CDK17: variants seen among roughly 807,000 people sequenced by gnomAD.
CDK17 encodes cyclin-dependent kinase 17.
Under a neutral mutation model 77.6 loss-of-function variants are expected in CDK17, and 24 were observed. The ratio of observed to expected loss-of-function variants is 0.31; its 90% confidence interval spans 0.22 to 0.44. The LOEUF is 0.44. Among genes scored for constraint, CDK17 ranks in the 20% least tolerant of loss-of-function variants. The pLI, the probability that CDK17 is intolerant of heterozygous loss-of-function variation, is 1.00. For missense variants in CDK17, 429 were observed against 622.5 expected, an observed-to-expected ratio of 0.69 and a Z score of 3.31; for synonymous variants, 203 against 210.4, an observed-to-expected ratio of 0.96 and a Z score of 0.30.
intron 1 of CDK17, among the ~76,000 whole-genome samples, chr12:96,359,398 A>G (rs1377640563): frequency 6.6e-6 from 1 of 152,222 alleles, no homozygotes; most frequent in African/African-American, 2.4e-5. Context: ...TCCACTGAGC[A>G]CTGACTGGAG....
At chr12:96,383,170 C>T (rs1267036744) in intron 1 of CDK17, among the ~76,000 whole-genome samples, 1 of 151,888 alleles carries the variant, frequency 6.6e-6, no homozygotes, top group Non-Finnish European at 1.5e-5. Flanking sequence ...AATAGCCCCC[C>T]AAAAAATGAA....
intron 1 of CDK17, among the ~76,000 whole-genome samples, chr12:96,368,256 A>T (rs1206915622): frequency 6.6e-6 from 1 of 152,246 alleles, no homozygotes; most frequent in African/African-American, 2.4e-5. Context: ...GGAGATCACA[A>T]TCTTTAGATG....
intron 2 of CDK17, among the ~76,000 whole-genome samples, chr12:96,331,951 TGACA>T (rs1334282484): frequency 2.0e-5 from 3 of 152,184 alleles, no homozygotes; most frequent in Non-Finnish European, 4.4e-5. Flanking sequence ...TTTCAGACAA[TGACA>T]GACATCATAT....
chr12:96,315,489 G>C (rs370652057), intron 3 of CDK17, among the ~76,000 whole-genome samples: 97 of 152,180 alleles, frequency 6.4e-4, no homozygotes, highest in African/African-American at 2.3e-3. Flanking sequence ...GTAATGTATT[G>C]GTGATTGATT....
At chr12:96,353,418 A>AT (rs1953342119) in intron 1 of CDK17, among the ~76,000 whole-genome samples, 1 of 152,200 alleles carries the variant, frequency 6.6e-6, no homozygotes, top group South Asian at 2.1e-4. Context: ...ACATGGTGAG[A>AT]TTTAATAAAA....
chr12:96,308,459 T>C (rs1427150418), intron 5 of CDK17, among the ~76,000 whole-genome samples: 1 of 151,660 alleles, frequency 6.6e-6, no homozygotes, highest in Admixed American at 6.6e-5. Flanking sequence ...CTGGATGCAG[T>C]GGCTCACCCC....
chr12:96,380,919 A>G (rs1592767003), intron 1 of CDK17, among the ~76,000 whole-genome samples: 3 of 151,946 alleles, frequency 2.0e-5, no homozygotes, highest in Non-Finnish European at 4.4e-5. Context: ...CCTTTTTTAC[A>G]TGTTCTTTTA....
intron 2 of CDK17, among the ~76,000 whole-genome samples, chr12:96,331,667 G>A (rs1439946079): frequency 6.6e-6 from 1 of 152,102 alleles, no homozygotes; most frequent in Non-Finnish European, 1.5e-5. Context: ...ATATTCTATT[G>A]TATTTGGATA....
At chr12:96,311,970 TAAGAAA>T (rs1256071228) in intron 4 of CDK17, among the ~76,000 whole-genome samples, 3 of 151,970 alleles carry the variant, frequency 2.0e-5, no homozygotes, top group South Asian at 4.2e-4. Flanking sequence ...CATTCTAAAA[TAAGAAA>T]GAGTATATGT....
intron 2 of CDK17, 120 bp downstream of exon 2, chr12:96,334,599 T>A (rs1376505199): frequency 3.3e-6 from 2 of 600,990 alleles, no homozygotes; most frequent in African/African-American, 1.9e-5. Context: ...TAAGAAACCA[T>A]GGAATGAGAC....
intron 15 of CDK17, 130 bp from the exon 16 acceptor site, chr12:96,281,015 C>T: frequency 2.6e-6 from 2 of 761,028 alleles, no homozygotes; most frequent in Admixed American, 3.2e-5. Context: ...GATAGCCCTG[C>T]TGAAATTTTT....
chr12:96,369,149 C>T (rs533080671), intron 1 of CDK17, among the ~76,000 whole-genome samples: 55 of 150,240 alleles, frequency 3.7e-4, no homozygotes, highest in Middle Eastern at 3.4e-3. Flanking sequence ...CAAACAATCA[C>T]AAAAAAGAAA....
intron 2 of CDK17, among the ~76,000 whole-genome samples, chr12:96,331,761 T>C (rs1417015013): frequency 6.6e-6 from 1 of 152,162 alleles, no homozygotes; most frequent in Non-Finnish European, 1.5e-5. Context: ...ATGTTTATAG[T>C]ATTACCCCCA....
intron 3 of CDK17, among the ~76,000 whole-genome samples, 160 bp downstream of exon 3, chr12:96,323,788 C>T (rs529673114): frequency 5.9e-5 from 9 of 152,322 alleles, no homozygotes; most frequent in African/African-American, 1.9e-4. Context: ...AGCACTACTA[C>T]CTCTCTAGAA....
intron 3 of CDK17, among the ~76,000 whole-genome samples, chr12:96,323,370 C>T (rs1433781341): frequency 6.6e-6 from 1 of 151,898 alleles, no homozygotes; most frequent in East Asian, 1.9e-4. Flanking sequence ...GTGGGAGGAT[C>T]ATTTGAGCCT....
chr12:96,347,958 AAAG>A (rs1953249319), intron 1 of CDK17, among the ~76,000 whole-genome samples: 1 of 152,218 alleles, frequency 6.6e-6, no homozygotes. Flanking sequence ...GCAACTGATC[AAAG>A]AAGAAACCAC....
Position 96,351,831 on chromosome 12 carries a change from C to T in CDK17, c.-29-16966G>A, listed in dbSNP as rs186303597. On this transcript the variant is annotated intron_variant, in intron 1 of 16. Transcript: ENST00000261211. Reference sequence around the variant, plus strand: ...TTCAATATGACCTATACCAATTATGCTGAACACAACAGAATATATCAGGAT... The same window carrying T: ...TTCAATATGACCTATACCAATTATGTTGAACACAACAGAATATATCAGGAT... 4.3e-3 allele frequency among the ~76,000 whole-genome samples: 650 copies of T among 152,178 alleles called. 8 individuals carry two copies. The highest frequency in any genetic ancestry group is 6.8e-3 in the Middle Eastern group (2 of 294).
chr12:96,281,682 T>G (rs551531822), intron 15 of CDK17: 1 of 152,368 alleles, frequency 6.6e-6, no homozygotes, highest in South Asian at 2.1e-4. Context: ...CAAATATCTT[T>G]AAAAGAAAAC....
intron 1 of CDK17, among the ~76,000 whole-genome samples, chr12:96,397,764 C>A (rs1414684514): frequency 2.0e-5 from 3 of 152,104 alleles, no homozygotes; most frequent in African/African-American, 7.2e-5. Flanking sequence ...GAAAAAAAAT[C>A]AATGGAGCCT....
Sources: gnomAD v4.1 joint callset for allele counts (sites outside exome capture counted in the v4.1 genomes callset) on GRCh38, gnomAD v4.1.1 for gene constraint, MANE v1.5 for transcripts, NCBI Gene and HGNC (gene_info 2026-07-23, HGNC 2026-07-21) for gene names.